SHANK2: variants seen among roughly 807,000 people sequenced by gnomAD.
SHANK2 encodes SH3 and multiple ankyrin repeat domains 2, also known as SH3 and multiple ankyrin repeat domains protein 2.
Under a neutral mutation model 133.7 loss-of-function variants are expected in SHANK2, and 43 were observed. The observed-to-expected ratio is 0.32, with a 90% confidence interval of 0.25 to 0.41. The LOEUF is 0.41. Among genes scored for constraint, SHANK2 ranks in the 10% least tolerant of loss-of-function variants. SHANK2 has a pLI of 1.00. For missense variants in SHANK2, 1,994 were observed against 2,235.8 expected (o/e 0.89, Z 2.18); for synonymous variants, 1,017 against 952.8 (o/e 1.07, Z -1.24).
intron 17 of SHANK2, among the ~76,000 whole-genome samples, chr11:70,532,679 C>T (rs1554973458): frequency 6.6e-6 from 1 of 151,808 alleles, no homozygotes; most frequent in Non-Finnish European, 1.5e-5. Flanking sequence ...CAGAATGGTG[C>T]AGCTGCAGTG....
chr11:70,743,455 C>T (rs1469759470), intron 14 of SHANK2, among the ~76,000 whole-genome samples: 1 of 152,218 alleles, frequency 6.6e-6, no homozygotes, highest in Non-Finnish European at 1.5e-5. Context: ...AAAGGACTTT[C>T]CAGCCTCCAG....
Position 70,647,659 on chromosome 11 carries a change from G to A in SHANK2, c.2061+12169C>T, listed in dbSNP as rs1299692880. On this transcript the variant is annotated intron_variant, in intron 17 of 25. Transcript: ENST00000601538. ...GCAAGCATTTTACACAGTCACTGCC[G>A]TGGCTGTTCGGAGTCTTATTTGCAG... 11 of 152,260 alleles carry A rather than the reference G, an allele frequency of 7.2e-5. No individual in the cohort carries two copies. In the South Asian group the frequency reaches 8.3e-4, roughly 11 times the overall value. The allele number at this position is 152,260 out of a possible 1,614,324, so 9.4% of individuals were successfully genotyped here. A position where few individuals can be genotyped will look rare whatever the true frequency, so the allele number is the denominator to read the frequency against.
At chr11:70,482,565 C>T (rs929725624) in intron 25 of SHANK2, among the ~76,000 whole-genome samples, 2 of 152,254 alleles carry the variant, frequency 1.3e-5, no homozygotes, top group Non-Finnish European at 2.9e-5. Context: ...CTTCACCGCC[C>T]TGCCTTCTGC....
At chr11:70,592,383 C>T (rs937771941) in intron 17 of SHANK2, among the ~76,000 whole-genome samples, 1 of 152,188 alleles carries the variant, frequency 6.6e-6, no homozygotes, top group Non-Finnish European at 1.5e-5. Context: ...AGAGGCAGGA[C>T]TTCTGCTGAC....
At chr11:71,147,922 G>C (rs1464408906) in intron 2 of SHANK2, among the ~76,000 whole-genome samples, 2 of 152,232 alleles carry the variant, frequency 1.3e-5, no homozygotes, top group African/African-American at 4.8e-5. Context: ...CAGGACTGGA[G>C]TGGAACCAAG....
intron 17 of SHANK2, among the ~76,000 whole-genome samples, chr11:70,628,116 T>C (rs1285293691): frequency 3.3e-5 from 5 of 152,180 alleles, no homozygotes; most frequent in Admixed American, 3.3e-4. Context: ...CATGCCACCA[T>C]GCCCAGCTAA....
chr11:70,863,909 A>C (rs781854625), intron 11 of SHANK2: 5 of 453,702 alleles, frequency 1.1e-5, no homozygotes, highest in South Asian at 7.8e-5. Flanking sequence ...GGACACCCTA[A>C]TCACAGGCGT....
At chr11:71,116,374 G>A (rs189393495) in intron 4 of SHANK2, among the ~76,000 whole-genome samples, 21 of 152,362 alleles carry the variant, frequency 1.4e-4, no homozygotes, top group Admixed American at 7.8e-4. Context: ...AACCCAACAC[G>A]TATACACTGC....
intron 11 of SHANK2, among the ~76,000 whole-genome samples, chr11:70,866,363 C>A (rs1949359404): frequency 6.6e-6 from 1 of 152,114 alleles, no homozygotes; most frequent in Non-Finnish European, 1.5e-5. Flanking sequence ...GGAACCGAGA[C>A]TCATTTTTGA....
intron 14 of SHANK2, among the ~76,000 whole-genome samples, chr11:70,787,795 GC>G (rs1324464370): frequency 6.6e-6 from 1 of 152,144 alleles, no homozygotes; most frequent in Non-Finnish European, 1.5e-5. Flanking sequence ...GGATGCTCCA[GC>G]CTCCAGGTAA....
chr11:70,912,126 A>C, intron 10 of SHANK2, among the ~76,000 whole-genome samples: 1 of 150,310 alleles, frequency 6.7e-6, no homozygotes, highest in Non-Finnish European at 1.5e-5. Flanking sequence ...GAAAGAAAGA[A>C]AGAAAGAAAA....
intron 17 of SHANK2, among the ~76,000 whole-genome samples, chr11:70,557,891 C>G (rs1396622914): frequency 2.0e-5 from 3 of 152,214 alleles, no homozygotes; most frequent in African/African-American, 7.2e-5. Flanking sequence ...CCAGGCGTGC[C>G]GAGCCGGGGC....
At chr11:70,766,475 T>C (rs1054211899) in intron 14 of SHANK2, among the ~76,000 whole-genome samples, 2 of 152,222 alleles carry the variant, frequency 1.3e-5, no homozygotes. Flanking sequence ...TCTTTCAAGA[T>C]ATGGATATTT....
intron 14 of SHANK2, among the ~76,000 whole-genome samples, chr11:70,706,709 G>A (rs1045813288): frequency 2.0e-5 from 3 of 146,894 alleles, no homozygotes; most frequent in African/African-American, 7.6e-5. Flanking sequence ...CCTGAAAGCT[G>A]TTTTCTGAGT....
chr11:70,602,649 C>T (rs552151870), intron 17 of SHANK2, among the ~76,000 whole-genome samples: 7 of 152,340 alleles, frequency 4.6e-5, no homozygotes, highest in African/African-American at 9.6e-5. Context: ...TATTTACTCT[C>T]TGCATTTATC....
At position 71,122,703 on chromosome 11, in the gene SHANK2, C is replaced by T. The variant is rs188177881; in HGVS notation, c.208-3671G>A. On this transcript the variant is annotated intron_variant, in intron 3 of 25. Transcript: ENST00000601538. ...CATCATGCACACGGGGAGACGACCA[C>T]GTGAATGGGAAGGCAGAGACTGGTG... Among the ~76,000 whole-genome samples the T allele has an allele frequency of 1.1e-3, 164 of 152,264 alleles. No individual in the cohort carries two copies. In the Middle Eastern group the frequency reaches 0.014, roughly 13 times the overall value.
chr11:71,156,004 G>T (rs1293460008), intron 2 of SHANK2, among the ~76,000 whole-genome samples: 1 of 152,196 alleles, frequency 6.6e-6, no homozygotes, highest in Non-Finnish European at 1.5e-5. Context: ...AGGGACTCTG[G>T]ACACACAAGG....
intron 17 of SHANK2, among the ~76,000 whole-genome samples, chr11:70,589,542 C>T (rs1554987521): frequency 6.6e-6 from 1 of 151,912 alleles, no homozygotes. Context: ...GCTGACCCAA[C>T]AGTCACTTAC....
At chr11:70,908,768 A>AG (rs1555078462) in intron 10 of SHANK2, among the ~76,000 whole-genome samples, 1 of 152,204 alleles carries the variant, frequency 6.6e-6, no homozygotes, top group African/African-American at 2.4e-5. Context: ...ATATATGAGG[A>AG]GGAAAACCAC....
Sources: gnomAD v4.1 joint callset for allele counts (sites outside exome capture counted in the v4.1 genomes callset) on GRCh38, gnomAD v4.1.1 for gene constraint, MANE v1.5 for transcripts, NCBI Gene and HGNC (gene_info 2026-07-23, HGNC 2026-07-21) for gene names.